The following LHFPL3 variants were observed in gnomAD, a reference collection of about 807,000 sequenced individuals.
LHFPL3 encodes LHFPL tetraspan subfamily member 3.
Under a neutral mutation model 19.3 loss-of-function variants are expected in LHFPL3, and 5 were observed. The observed-to-expected ratio is 0.26, with a 90% CI of 0.14 to 0.54. LHFPL3 has a LOEUF of 0.54. LHFPL3 is among the 20% of genes least tolerant of loss of function. The pLI, the probability that LHFPL3 is intolerant of heterozygous loss-of-function variation, is 0.94. For missense variants in LHFPL3, 249 were observed against 307.4 expected (o/e 0.81, Z 1.42); for synonymous variants, 133 against 126.2 (o/e 1.05, Z -0.36).
intron 1 of LHFPL3, among the ~76,000 whole-genome samples, chr7:104,520,224 C>T (rs1041653636): frequency 6.6e-6 from 1 of 151,998 alleles, no homozygotes; most frequent in Non-Finnish European, 1.5e-5. Flanking sequence ...TTTGTCTTTG[C>T]TTCTGTTTAT....
At chr7:104,707,203 C>T (rs113332615) in intron 1 of LHFPL3, among the ~76,000 whole-genome samples, 2 of 152,176 alleles carry the variant, frequency 1.3e-5, no homozygotes, top group Admixed American at 1.3e-4. Context: ...TAATTCACTC[C>T]AGAGCTCACC....
At chr7:104,597,015 T>G (rs552581369) in intron 1 of LHFPL3, among the ~76,000 whole-genome samples, 27 of 152,322 alleles carry the variant, frequency 1.8e-4, no homozygotes, top group African/African-American at 6.5e-4. Context: ...CACTACCTCT[T>G]CTGTTCTTTC....
rs539971178 is a variant in LHFPL3 at position 104,752,734 on chromosome 7, G to A, written c.682+15823G>A. 9.9e-5 allele frequency: 39 copies of A among 395,430 alleles called. No individual in the cohort carries two copies. In the South Asian group the frequency reaches 2.6e-3, roughly 26 times the overall value. 24.5% of individuals were successfully genotyped at this position (395,430 alleles called of 1,614,324 possible). ...GCTTACCGTAAGGCTGACTGTAGAC[G>A]TACTCGGGATCTCTCGTCGACTTGT... On this transcript the variant is annotated intron_variant, in intron 2 of 2. Transcript: ENST00000424859.
chr7:104,853,156 C>T (rs1791443029), intron 2 of LHFPL3, among the ~76,000 whole-genome samples: 1 of 152,212 alleles, frequency 6.6e-6, no homozygotes, highest in African/African-American at 2.4e-5. Context: ...GCCTATTGCC[C>T]ACCTCGATCC....
At chr7:104,642,178 C>T (rs1404018312) in intron 1 of LHFPL3, among the ~76,000 whole-genome samples, 3 of 151,682 alleles carry the variant, frequency 2.0e-5, no homozygotes, top group Non-Finnish European at 4.4e-5. Flanking sequence ...TCTGGAATTA[C>T]AGGTGTGTGC....
chr7:104,679,572 T>C (rs1269959545), intron 1 of LHFPL3, among the ~76,000 whole-genome samples: 1 of 152,246 alleles, frequency 6.6e-6, no homozygotes, highest in Non-Finnish European at 1.5e-5. Context: ...CATTACACTG[T>C]AGCCAAATGA....
In LHFPL3 at chr7:104,710,078, C is replaced by A. The variant is rs187849032; in HGVS notation, c.446-26597C>A. Among the ~76,000 whole-genome samples the A allele has an allele frequency of 1.2e-3, 188 of 152,264 alleles. 1 individual carries two copies. Among genetic ancestry groups the A allele is most frequent in the African/African-American group, 4.3e-3 (177 of 41,550 alleles). On this transcript the variant is annotated intron_variant, in intron 1 of 2. Transcript: ENST00000424859. ...GACTCCGTCTGCAATCCCGGCACCT[C>A]GGGAGGCCGAGGCAGGCAGATCACT... is the stretch of plus-strand genomic sequence containing the variant.
At chr7:104,343,299 G>T (rs1789993550) in intron 1 of LHFPL3, among the ~76,000 whole-genome samples, 2 of 151,766 alleles carry the variant, frequency 1.3e-5, no homozygotes, top group Non-Finnish European at 2.9e-5. Context: ...CGGATCATGA[G>T]GTCAGGGGTT....
chr7:104,883,428 A>T (rs1463746597), intron 2 of LHFPL3, among the ~76,000 whole-genome samples: 1 of 152,190 alleles, frequency 6.6e-6, no homozygotes, highest in South Asian at 2.1e-4. Flanking sequence ...TTGTATTATA[A>T]GTAAGTCTAT....
rs192616079 is a variant in LHFPL3, at chr7:104,820,279, C to G, written c.682+83368C>G. Among the ~76,000 whole-genome samples the G allele has an allele frequency of 2.0e-5, 3 of 152,284 alleles. No individual in the cohort carries two copies. In the East Asian group the frequency reaches 5.8e-4, roughly 29 times the overall value. On this transcript the variant is annotated intron_variant, in intron 2 of 2. Coordinates refer to ENST00000424859, the MANE Select transcript of LHFPL3 (RefSeq NM_199000.3). ...AATGAATGAAAGGGTGAGCAGAGTG[C>G]TAATAAAGTACCATGGCTCCAGATT...
chr7:104,675,923 G>A (rs143520670), intron 1 of LHFPL3, among the ~76,000 whole-genome samples: 1 of 152,148 alleles, frequency 6.6e-6, no homozygotes, highest in African/African-American at 2.4e-5. Context: ...AGGGCAAAGG[G>A]CAGATCTACA....
At chr7:104,541,918 G>A (rs1277736213) in intron 1 of LHFPL3, among the ~76,000 whole-genome samples, 1 of 152,082 alleles carries the variant, frequency 6.6e-6, no homozygotes, top group African/African-American at 2.4e-5. Flanking sequence ...GTCATTAAAG[G>A]AGGAGGACCC....
chr7:104,417,923 C>A (rs1791657220), intron 1 of LHFPL3, among the ~76,000 whole-genome samples: 1 of 143,504 alleles, frequency 7.0e-6, no homozygotes, highest in Non-Finnish European at 1.5e-5. Context: ...TGCTCTGTCA[C>A]CCAGTCTGGA....
chr7:104,882,715 T>C (rs937454150), intron 2 of LHFPL3, among the ~76,000 whole-genome samples: 5 of 152,226 alleles, frequency 3.3e-5, no homozygotes, highest in African/African-American at 1.2e-4. Flanking sequence ...ATAGTGGTGA[T>C]AGTTGTACAA....
intron 1 of LHFPL3, among the ~76,000 whole-genome samples, chr7:104,486,308 C>T (rs542436902): frequency 1.3e-5 from 2 of 152,246 alleles, no homozygotes; most frequent in East Asian, 3.9e-4. Flanking sequence ...CTCATTTGTA[C>T]TTTCTGCTTT....
chr7:104,715,236 A>G (rs1343980045), intron 1 of LHFPL3, among the ~76,000 whole-genome samples: 1 of 152,212 alleles, frequency 6.6e-6, no homozygotes, highest in Non-Finnish European at 1.5e-5. Context: ...GTGTATGTGT[A>G]TGTATGTATA....
chr7:104,793,047 C>T (rs1159112553), intron 2 of LHFPL3, among the ~76,000 whole-genome samples: 1 of 152,178 alleles, frequency 6.6e-6, no homozygotes, highest in Non-Finnish European at 1.5e-5. Flanking sequence ...AGGCACCTGC[C>T]ACCACACCCA....
intron 2 of LHFPL3, among the ~76,000 whole-genome samples, chr7:104,813,411 T>C (rs1035374206): frequency 6.6e-6 from 1 of 152,232 alleles, no homozygotes; most frequent in Non-Finnish European, 1.5e-5. Flanking sequence ...AAAAGTGTTA[T>C]GGGATCTTTG....
intron 2 of LHFPL3, chr7:104,752,799 A>G (rs575862918): frequency 5.1e-6 from 2 of 394,652 alleles, no homozygotes; most frequent in South Asian, 1.3e-4. Flanking sequence ...ACCCTAGAGA[A>G]AAGCCTCCAC....
Sources: gnomAD v4.1 joint callset for allele counts (sites outside exome capture counted in the v4.1 genomes callset) on GRCh38, gnomAD v4.1.1 for gene constraint, MANE v1.5 for transcripts, NCBI Gene and HGNC (gene_info 2026-07-23, HGNC 2026-07-21) for gene names.